PLCD1: variants seen among roughly 807,000 people sequenced by gnomAD.
PLCD1 encodes the protein 1-phosphatidylinositol 4,5-bisphosphate phosphodiesterase delta-1.
A neutral mutation model predicts 87.4 loss-of-function variants in PLCD1; 71 were observed. The ratio of observed to expected loss-of-function variants is 0.81; its 90% CI spans 0.67 to 0.99. The LOEUF is 0.99. PLCD1 is among the 50% of genes least tolerant of loss of function. The pLI, the probability that PLCD1 is intolerant of heterozygous loss-of-function variation, is 0.00. For synonymous variants in PLCD1, 348 were observed against 399.2 expected, an observed-to-expected ratio of 0.87 and a Z score of 1.53; for missense variants, 867 against 1,001.5, an observed-to-expected ratio of 0.87 and a Z score of 1.81.
chr3:38,009,174 G>A lies in PLCD1; in HGVS notation c.1607-16C>T. The A allele has an allele frequency of 6.2e-7, 1 of 1,613,598 alleles. No individual in the cohort carries two copies. The highest frequency in any genetic ancestry group is 8.5e-7 in the Non-Finnish European group (1 of 1,179,516). On this transcript the variant is annotated splice_polypyrimidine_tract_variant and intron_variant, in intron 10 of 14. Transcript: ENST00000334661. ...AAGCCGTTTCCTGAGGGGAGGTGTG[G>A]TTCGGTCAGCAGTGGAGGCCTCCTG... is the stretch of plus-strand genomic sequence containing the variant.
At chr3:38,015,793 C>T (rs971543260) in intron 3 of PLCD1, among the ~76,000 whole-genome samples, 1 of 152,214 alleles carries the variant, frequency 6.6e-6, no homozygotes, top group Admixed American at 6.5e-5. Context: ...AAGAATGGCA[C>T]AGGAGGGTAC....
At chr3:38,027,983 G>A (rs138614158) in intron 1 of PLCD1, among the ~76,000 whole-genome samples, 21 of 152,306 alleles carry the variant, frequency 1.4e-4, no homozygotes, top group African/African-American at 4.8e-4. Flanking sequence ...CAAATGGGGT[G>A]GGCCAGGGCA....
In PLCD1 at chr3:38,009,598, G is replaced by T. The variant is rs1016556802; in HGVS notation, c.1446+55C>A. 6.6e-5 allele frequency: 106 copies of T among 1,603,976 alleles called. No homozygotes were observed. The South Asian group carries it at 9.6e-4, about 15-fold the overall frequency. On this transcript the variant is annotated intron_variant, in intron 9 of 14. Coordinates refer to ENST00000334661, the MANE Select transcript of PLCD1 (RefSeq NM_006225.4). ...AACTGAGACAAGGCAGACCTCCCAC[G>T]GGTGAGGGGATGGGGAAGGCCCGGG...
chr3:38,011,376 G>T lies in PLCD1; in HGVS notation c.628C>A (p.Gln210Lys), dbSNP rs759911075. The stretch of plus-strand genomic sequence containing the variant: ...AAGGTGCGGTCGATCTCCACCCGCT[G>T]GGTCAGCATCTTGTAGAAGGCCTCA... ...EIEAFYKMLT[Q>K]RVEIDRTFAE... The change falls in exon 5 of 15, where the codon CAG (glutamine) becomes AAG (lysine). Residue 210 changes from glutamine to lysine, a missense_variant. Coordinates refer to ENST00000334661, the MANE Select transcript of PLCD1 (RefSeq NM_006225.4). The T allele has an allele frequency of 1.7e-5, 28 of 1,613,360 alleles. No homozygotes were observed. The highest frequency in any genetic ancestry group is 2.7e-5 in the African/African-American group (2 of 74,928).
chr3:38,012,027 T>TTCTC (rs1700086130), intron 3 of PLCD1, among the ~76,000 whole-genome samples: 1 of 141,638 alleles, frequency 7.1e-6, no homozygotes. Context: ...CTGGTTTTCC[T>TTCTC]TTTCTTTTTT....
chr3:38,024,604 A>C (rs1281280271), intron 1 of PLCD1: 1 of 1,512,096 alleles, frequency 6.6e-7, no homozygotes, highest in South Asian at 1.2e-5. Flanking sequence ...GTTCGAGAGG[A>C]GGGGCGCACT....
intron 3 of PLCD1, among the ~76,000 whole-genome samples, chr3:38,012,172 CTT>C (rs924871867): frequency 1.5e-4 from 20 of 131,876 alleles, no homozygotes; most frequent in East Asian, 2.2e-4. Context: ...CCACGCCTGG[CTT>C]TTTTTTTTTT....
intron 3 of PLCD1, among the ~76,000 whole-genome samples, chr3:38,012,836 T>C (rs1207351435): frequency 1.3e-5 from 2 of 151,984 alleles, no homozygotes; most frequent in African/African-American, 4.8e-5. Context: ...GTTTTAAAGA[T>C]CTACCTACCT....
rs1167509263 is a variant in PLCD1, at chr3:38,018,870, T to A, written c.199+1318A>T. 6.6e-6 allele frequency: 1 copy of A among 152,252 alleles called. No homozygotes were observed. The highest frequency in any genetic ancestry group is 1.5e-5 in the Non-Finnish European group (1 of 68,206). The allele number at this position is 152,252 out of a possible 1,614,324, so 9.4% of individuals were successfully genotyped here. The stretch of plus-strand genomic sequence containing the variant: ...TTTCCTCAGAATGTTCTGGAGCCCC[T>A]ACCCCTCAGACCCTGCCCTGCCCAG... On this transcript the variant is annotated intron_variant, in intron 2 of 14. Transcript: ENST00000334661. This position sits in a 1 kb window ranked among gnomAD's most constrained non-coding sequence, Gnocchi z 5.7.
chr3:38,009,659 C>T lies in PLCD1; in HGVS notation c.1440G>A (p.Lys480=), dbSNP rs779348730. 1 of 1,614,116 alleles carries T rather than the reference C, an allele frequency of 6.2e-7. No homozygotes were observed. Among genetic ancestry groups the T allele is most frequent in the Non-Finnish European group, 8.5e-7 (1 of 1,180,010 alleles). ...CCACAGCTCCCCCTCAAACCTTGGG[C>T]TTGTGCTGCACACGGCTCCTCACTG... is the stretch of plus-strand genomic sequence containing the variant. ...DEAVRSRVQH[K]PKEDKLRLAQ... is the part of the protein sequence containing the mutation. The change falls in exon 9 of 15, where the codon AAG becomes AAA. Residue 480 remains lysine, a synonymous_variant. Transcript: ENST00000334661.
At chr3:38,024,573 G>T (rs1700283676) in intron 1 of PLCD1, 2 of 1,509,450 alleles carry the variant, frequency 1.3e-6, no homozygotes, top group Non-Finnish European at 1.8e-6. Flanking sequence ...CGGAGTCCAG[G>T]AATGGGAGGG....
intron 1 of PLCD1, among the ~76,000 whole-genome samples, chr3:38,021,586 C>T (rs6422138): frequency 0.72 from 109,714 of 152,106 alleles, 40,085 homozygotes; most frequent in African/African-American, 0.83. Context: ...TGGTGTAATA[C>T]AGAAACATCT....
At chr3:38,016,997 G>C (rs1456968155) in intron 2 of PLCD1, among the ~76,000 whole-genome samples, 2 of 152,032 alleles carry the variant, frequency 1.3e-5, no homozygotes, top group Non-Finnish European at 2.9e-5. Context: ...GACAGAGAGT[G>C]AGAGAAAGAC....
chr3:38,024,032 C>T (rs1035891609), intron 1 of PLCD1: 2 of 428,228 alleles, frequency 4.7e-6, no homozygotes, highest in African/African-American at 4.1e-5. Flanking sequence ...TTACACAGAC[C>T]AGGCCACATA....
In PLCD1 at chr3:38,010,943, C is replaced by T. The variant is rs574387438; in HGVS notation, c.790+271G>A. ...GCAGGAGTAGCATCTGCTTTTCAGC[C>T]ATCTCTCTTGTTTCTTGAAGAAGGG... On this transcript the variant is annotated intron_variant, in intron 5 of 14. Transcript: ENST00000334661. Among the ~76,000 whole-genome samples the T allele has an allele frequency of 1.5e-4, 23 of 152,292 alleles. No homozygotes were observed. The East Asian group carries it at 3.7e-3, about 24-fold the overall frequency.
chr3:38,011,792 A>G, intron 3 of PLCD1, 119 bp from the exon 4 acceptor site: 1 of 906,754 alleles, frequency 1.1e-6, no homozygotes, highest in South Asian at 1.3e-5. Flanking sequence ...GGCCTGACTT[A>G]CTACACATCC....
chr3:38,020,154 T>C (rs375190343), intron 2 of PLCD1, 34 bp downstream of exon 2: 1 of 1,597,076 alleles, frequency 6.3e-7, no homozygotes, highest in Non-Finnish European at 8.6e-7. Flanking sequence ...GATTCCACAC[T>C]CTATCCCCTC....
rs1700214070 is a variant in PLCD1 at position 38,020,266 on chromosome 3, A to C, written c.121T>G (p.Phe41Val). The change falls in exon 2 of 15, where the codon TTC becomes GTC. Residue 41 changes from phenylalanine to valine, a missense_variant. Physicochemically the swap from Phe to Val is conservative, Grantham distance 50. Transcript: ENST00000334661. ...VKSSSWRRER[F>V]YKLQEDCKTI... ...TTGCAGTCCTCCTGCAACTTGTAGA[A>C]GCGCTCTCTCCTCCATGAGCTGGAC... is the stretch of plus-strand genomic sequence containing the variant. 1 of 1,613,898 alleles carries C rather than the reference A, an allele frequency of 6.2e-7. No individual in the cohort carries two copies. Among genetic ancestry groups the C allele is most frequent in the Admixed American group, 1.7e-5 (1 of 59,998 alleles).
In PLCD1 at chr3:38,009,300, G is replaced by A. The variant is rs1221310672; in HGVS notation, c.1578C>T (p.Asn526=). The change falls in exon 10 of 15, where the codon AAC becomes AAT. Residue 526 remains asparagine, a synonymous_variant. Coordinates refer to ENST00000334661, the MANE Select transcript of PLCD1 (RefSeq NM_006225.4). Reference sequence around the variant, plus strand: ...ATTCTTGGAGCAGTCGAAGGGCACGGTTCTCAGAGAAGGACGCCATCTCGT... The same window carrying A: ...ATTCTTGGAGCAGTCGAAGGGCACGATTCTCAGAGAAGGACGCCATCTCGT... ...AFYEMASFSE[N]RALRLLQESG... is the part of the protein sequence containing the mutation. 2.5e-6 allele frequency: 4 copies of A among 1,614,186 alleles called. No individual in the cohort carries two copies. Among genetic ancestry groups the A allele is most frequent in the Non-Finnish European group, 2.5e-6 (3 of 1,180,030 alleles).
Sources: allele counts gnomAD v4.1 joint callset (sites outside exome capture counted in the v4.1 genomes callset), GRCh38; gene constraint gnomAD v4.1.1; non-coding constraint Gnocchi (gnomAD v3.1); transcripts MANE v1.5; gene names NCBI Gene and HGNC (gene_info 2026-07-23, HGNC 2026-07-21).